The following POTEE variants were observed in gnomAD, a reference collection of about 807,000 sequenced individuals.
POTEE encodes ANKRD26-like family C member 1A.
Under a neutral mutation model 74.2 loss-of-function variants are expected in POTEE, and 21 were observed. The observed-to-expected ratio is 0.28, with a 90% CI of 0.20 to 0.41. The LOEUF is 0.41. Ranked by LOEUF, POTEE falls within the 10% of genes least tolerant of loss-of-function variation. The pLI is 1.00. For synonymous variants in POTEE, 211 were observed against 432.8 expected (o/e 0.49, Z 6.36); for missense variants, 525 against 1,158.6 (o/e 0.45, Z 7.94).
chr2:131,231,774 TA>T (rs1349507943), intron 9 of POTEE, among the ~76,000 whole-genome samples: 1 of 152,068 alleles, frequency 6.6e-6, no homozygotes, highest in Non-Finnish European at 1.5e-5. Context: ...CAGATTATAA[TA>T]AAAGCAGAAA....
intron 2 of POTEE, among the ~76,000 whole-genome samples, chr2:131,213,003 C>T (rs1700388159): frequency 1.3e-5 from 2 of 151,086 alleles, no homozygotes; most frequent in South Asian, 2.1e-4. Context: ...TCTTGTCCCC[C>T]AGGCTGTAGT....
intron 8 of POTEE, chr2:131,229,637 T>C (rs1289316159): frequency 6.6e-6 from 1 of 152,158 alleles, no homozygotes; most frequent in Non-Finnish European, 1.5e-5. Flanking sequence ...TATCCTAAAA[T>C]TGGAACAATA....
intron 9 of POTEE, among the ~76,000 whole-genome samples, chr2:131,232,532 T>TA (rs1330397381): frequency 7.2e-6 from 1 of 139,260 alleles, no homozygotes; most frequent in African/African-American, 2.9e-5. Context: ...AAGTGTGTGA[T>TA]ACGAGAGGTT....
At chr2:131,213,559 TA>T (rs1269205537) in intron 2 of POTEE, among the ~76,000 whole-genome samples, 2 of 151,388 alleles carry the variant, frequency 1.3e-5, no homozygotes, top group African/African-American at 4.9e-5. Flanking sequence ...AGATAATATC[TA>T]AATTTTTGTC....
At chr2:131,222,683 T>C (rs1700659854) in intron 4 of POTEE, among the ~76,000 whole-genome samples, 1 of 152,260 alleles carries the variant, frequency 6.6e-6, no homozygotes, top group Non-Finnish European at 1.5e-5. Flanking sequence ...AGATATATTG[T>C]ATAAATCTAA....
At chr2:131,214,562 T>G (rs1472071242) in intron 2 of POTEE, among the ~76,000 whole-genome samples, 8 of 152,186 alleles carry the variant, frequency 5.3e-5, no homozygotes, top group Admixed American at 2.0e-4. Flanking sequence ...GTATGTGATG[T>G]ATATATAATG....
Position 131,230,907 on chromosome 2 carries a change from G to C in POTEE, c.1126+1G>C. 6.4e-7 allele frequency: 1 copy of C among 1,559,758 alleles called. No individual in the cohort carries two copies. Among genetic ancestry groups the C allele is most frequent in the Non-Finnish European group, 8.7e-7 (1 of 1,152,082 alleles). On this transcript the variant is annotated splice_donor_variant, in intron 9 of 17. Transcript: ENST00000683005. LOFTEE classifies it high-confidence loss of function. ...ATCTCTTCTGAAAACAGCAATCCAG[G>C]TAAGACTTGTGATAGTGAATTACTT...
chr2:131,217,267 CG>C (rs1218349795), intron 2 of POTEE, among the ~76,000 whole-genome samples: 2 of 119,720 alleles, frequency 1.7e-5, no homozygotes, highest in African/African-American at 3.2e-5. Context: ...TACACTGCAC[CG>C]GGGCAGGAGC....
At position 131,264,044 on chromosome 2, in the gene POTEE, G is replaced by A. The variant is rs778181046; in HGVS notation, c.2589G>A (p.Val863=). ...MDSGDGVTHT[V]PIYEGNALPH... ...CTGGTGACGGGGTCACCCACACTGT[G>A]CCCATCTATGAGGGGAATGCCCTCC... Residue 863 remains valine, a synonymous_variant, in exon 18 of 18, where the codon GTG becomes GTA. Coordinates refer to ENST00000683005, the MANE Select transcript of POTEE (RefSeq NM_001083538.3). 9.9e-6 allele frequency: 16 copies of A among 1,614,092 alleles called. No homozygotes were observed. Among genetic ancestry groups the A allele is most frequent in the African/African-American group, 1.3e-5 (1 of 74,954 alleles).
chr2:131,225,592 G>T, intron 6 of POTEE, among the ~76,000 whole-genome samples: 1 of 149,166 alleles, frequency 6.7e-6, no homozygotes, highest in Admixed American at 6.7e-5. Flanking sequence ...TTTGAGATGG[G>T]GTCTCACTCT....
intron 12 of POTEE, among the ~76,000 whole-genome samples, chr2:131,243,711 C>CA (rs1367599738): frequency 2.4e-4 from 32 of 130,652 alleles, no homozygotes; most frequent in African/African-American, 8.2e-4. Context: ...ACTAAAAATA[C>CA]AAAAAAATTA....
intron 4 of POTEE, among the ~76,000 whole-genome samples, chr2:131,221,315 G>A (rs571409780): frequency 2.0e-5 from 3 of 152,164 alleles, no homozygotes; most frequent in South Asian, 2.1e-4. Flanking sequence ...GAGATATGTC[G>A]ACATGCAAAG....
intron 2 of POTEE, among the ~76,000 whole-genome samples, chr2:131,211,937 T>A (rs1380528428): frequency 1.3e-5 from 2 of 151,692 alleles, no homozygotes; most frequent in Admixed American, 6.6e-5. Flanking sequence ...GGTGTCATAA[T>A]AGGCCTTCTA....
intron 3 of POTEE, among the ~76,000 whole-genome samples, 80 bp downstream of exon 3, chr2:131,217,763 G>A (rs1371407657): frequency 1.8e-4 from 2 of 11,166 alleles, no homozygotes; most frequent in Non-Finnish European, 7.4e-4. Flanking sequence ...GCCGCACGCC[G>A]CACGCGCACG....
At position 131,263,446 on chromosome 2, in the gene POTEE, C is replaced by A. The variant is rs1232916365; in HGVS notation, c.1991C>A (p.Thr664Lys). The change falls in exon 18 of 18, where the codon ACA becomes AAA. Residue 664 changes from threonine (T) to lysine (K), a missense_variant. Thr to Lys is a moderately conservative substitution (Grantham distance 78, BLOSUM62 -1). Coordinates refer to ENST00000683005, the MANE Select transcript of POTEE (RefSeq NM_001083538.3). ...EIAMLRLELD[T>K]MKHQSQLREK... is the part of the protein sequence containing the mutation. ...GCCATGCTAAGACTGGAGCTAGACA[C>A]AATGAAACATCAGAGCCAGCTAAGA... 3.7e-6 allele frequency: 6 copies of A among 1,611,550 alleles called. No homozygotes were observed. Among genetic ancestry groups the A allele is most frequent in the Non-Finnish European group, 5.1e-6 (6 of 1,179,766 alleles).
intron 9 of POTEE, among the ~76,000 whole-genome samples, chr2:131,231,588 T>C (rs1392552780): frequency 4.6e-5 from 7 of 152,220 alleles, no homozygotes; most frequent in African/African-American, 1.7e-4. Context: ...ACTGACTTCA[T>C]TCCTCCTCAT....
chr2:131,220,338 G>A (rs2105069685), intron 4 of POTEE, among the ~76,000 whole-genome samples: 1 of 150,292 alleles, frequency 6.7e-6, no homozygotes, highest in Non-Finnish European at 1.5e-5. Context: ...TGAGTAGCTG[G>A]GATTACAGGC....
intron 16 of POTEE, among the ~76,000 whole-genome samples, chr2:131,255,600 C>T (rs1701571280): frequency 3.6e-5 from 1 of 27,496 alleles, no homozygotes; most frequent in Admixed American, 6.3e-4. Context: ...GACAGAGTCT[C>T]GCTTTGTCCC....
intron 8 of POTEE, among the ~76,000 whole-genome samples, chr2:131,230,399 T>C (rs1468325695): frequency 6.6e-6 from 1 of 152,206 alleles, no homozygotes; most frequent in African/African-American, 2.4e-5. Context: ...TGCTTTACTA[T>C]TTCTCTGAGC....
Sources: gnomAD v4.1 joint callset for allele counts (sites outside exome capture counted in the v4.1 genomes callset) on GRCh38, gnomAD v4.1.1 for gene constraint, MANE v1.5 for transcripts, NCBI Gene and HGNC (gene_info 2026-07-23, HGNC 2026-07-21) for gene names.